IP6K2: variants seen among roughly 807,000 people sequenced by gnomAD.
IP6K2 encodes inositol hexakisphosphate kinase 2, also known as ATP:1D-myo-inositol-hexakisphosphate phosphotransferase.
IP6K2 carries 9 observed loss-of-function variants against 43.3 expected under a neutral mutation model. The observed-to-expected ratio is 0.21, with a 90% confidence interval of 0.13 to 0.36. IP6K2 has a LOEUF of 0.36. Ranked by LOEUF, IP6K2 falls within the 10% of genes least tolerant of loss-of-function variation. IP6K2 has a pLI of 1.00. For missense variants in IP6K2, 332 were observed against 538.4 expected, an observed-to-expected ratio of 0.62 and a Z score of 3.79; for synonymous variants, 209 against 202.4, an observed-to-expected ratio of 1.03 and a Z score of -0.28.
At chr3:48,694,497 C>A (rs1318961548) in intron 2 of IP6K2, 32 of 1,545,150 alleles carry the variant, frequency 2.1e-5, no homozygotes, top group Admixed American at 1.0e-4. Context: ...CAACAAAGAC[C>A]CCACCATGCT....
rs374945808 is a variant in IP6K2 at position 48,695,255 on chromosome 3, G to A, written c.37C>T (p.Arg13Cys). ...GGCTCCAGAAGGACGCCTTTGGCGCGGGGCTCCACATCCATGGCCCTGAAG... is the reference window on the plus strand; with the variant it reads ...GGCTCCAGAAGGACGCCTTTGGCGCAGGGCTCCACATCCATGGCCCTGAAG... ...PAFRAMDVEP[R>C]AKGVLLEPFV... is the part of the protein sequence containing the mutation. The change falls in exon 2 of 6, where the codon CGC (arginine) becomes TGC (cysteine). Residue 13 changes from arginine to cysteine, a missense_variant. Arg to Cys is a radical substitution (Grantham distance 180, BLOSUM62 -3). Transcript: ENST00000328631. The surrounding 1 kb of genome is among the most constrained non-coding windows in gnomAD (Gnocchi z 4.6). 7 of 1,584,996 alleles carry A rather than the reference G, an allele frequency of 4.4e-6. No individual in the cohort carries two copies. The highest frequency in any genetic ancestry group is 2.7e-5 in the African/African-American group (2 of 74,272).
chr3:48,704,834 A>G (rs1575701876), intron 1 of IP6K2, among the ~76,000 whole-genome samples: 3 of 151,722 alleles, frequency 2.0e-5, no homozygotes, highest in Admixed American at 2.0e-4. Flanking sequence ...GCTAGAGTGC[A>G]TGATCTCACC....
At chr3:48,714,358 C>T (rs1030878632) in intron 1 of IP6K2, among the ~76,000 whole-genome samples, 3 of 151,864 alleles carry the variant, frequency 2.0e-5, no homozygotes, top group Admixed American at 1.3e-4. Context: ...TGAGCCACCA[C>T]GCTCGGCCCT....
intron 1 of IP6K2, among the ~76,000 whole-genome samples, chr3:48,704,948 AT>A (rs971625853): frequency 1.2e-4 from 18 of 144,758 alleles, no homozygotes; most frequent in Non-Finnish European, 1.7e-4. Flanking sequence ...AATTTTTCTA[AT>A]TTTTTTTTTT....
rs571623105 is a variant in IP6K2 at position 48,697,311 on chromosome 3, G to A, written c.-130-1890C>T. 5.3e-5 allele frequency among the ~76,000 whole-genome samples: 8 copies of A among 150,890 alleles called. No homozygotes were observed. The South Asian group carries it at 1.3e-3, about 24-fold the overall frequency. On this transcript the variant is annotated intron_variant, in intron 1 of 5. Transcript: ENST00000328631. ...CTGGATTACAGGCGTGAGCCACCGC[G>A]CCCGGCCAGTTGTTTTTTCATTTTG... is the stretch of plus-strand genomic sequence containing the variant.
intron 1 of IP6K2, among the ~76,000 whole-genome samples, chr3:48,715,911 A>T (rs1264334608): frequency 2.0e-5 from 3 of 150,722 alleles, no homozygotes; most frequent in Non-Finnish European, 4.4e-5. Context: ...AATGACAGTT[A>T]ACAGTTTAAC....
chr3:48,695,157 G>A lies in IP6K2; in HGVS notation c.135C>T (p.Val45=), dbSNP rs1257993383. The A allele has an allele frequency of 6.2e-7, 1 of 1,608,292 alleles. No individual in the cohort carries two copies. Among genetic ancestry groups the A allele is most frequent in the African/African-American group, 1.3e-5 (1 of 74,844 alleles). The change falls in exon 2 of 6, where the codon GTC becomes GTT. Residue 45 remains valine, a synonymous_variant. Transcript: ENST00000328631. This position sits in a 1 kb window ranked among gnomAD's most constrained non-coding sequence, Gnocchi z 4.6. ...FNETTLCKPL[V]PREHQFYETL... Reference sequence around the variant, plus strand: ...TCTCGTAGAACTGATGTTCCCTTGGGACCAGGGGCTTGCACAGGGTTGTCT... The same window carrying A: ...TCTCGTAGAACTGATGTTCCCTTGGAACCAGGGGCTTGCACAGGGTTGTCT...
At chr3:48,715,852 C>T (rs1166287136) in intron 1 of IP6K2, among the ~76,000 whole-genome samples, 1 of 149,466 alleles carries the variant, frequency 6.7e-6, no homozygotes, top group Admixed American at 6.7e-5. Context: ...GTAAATCTAT[C>T]GAAATGACAA....
intron 1 of IP6K2, among the ~76,000 whole-genome samples, chr3:48,716,800 C>T (rs372569053): frequency 6.6e-6 from 1 of 152,094 alleles, no homozygotes; most frequent in African/African-American, 2.4e-5. Flanking sequence ...TGGGGAGACC[C>T]CTCAATGACA....
intron 1 of IP6K2, among the ~76,000 whole-genome samples, chr3:48,703,325 T>A (rs776536742): frequency 6.6e-6 from 1 of 152,186 alleles, no homozygotes; most frequent in Non-Finnish European, 1.5e-5. Flanking sequence ...AACAAATATA[T>A]TAACCAGCAT....
intron 2 of IP6K2, chr3:48,694,634 A>C (rs2078113235): frequency 6.6e-7 from 1 of 1,517,498 alleles, no homozygotes; most frequent in Non-Finnish European, 8.8e-7. Context: ...GGCTTGGGCT[A>C]ATCAGCACAG....
chr3:48,691,881 C>T (rs1207319876), intron 3 of IP6K2, among the ~76,000 whole-genome samples: 2 of 151,770 alleles, frequency 1.3e-5, no homozygotes, highest in African/African-American at 2.4e-5. Flanking sequence ...GATGGAGTTT[C>T]GCTCTTATTG....
intron 1 of IP6K2, among the ~76,000 whole-genome samples, chr3:48,705,891 TAATAAAATAA>T (rs1195958811): frequency 9.9e-6 from 1 of 100,992 alleles, no homozygotes; most frequent in Non-Finnish European, 2.0e-5. Flanking sequence ...AAATAAAAAA[TAATAAAATAA>T]AATAAAATAA....
intron 1 of IP6K2, among the ~76,000 whole-genome samples, chr3:48,715,929 CAA>C (rs11391893): frequency 2.1e-5 from 3 of 141,862 alleles, no homozygotes; most frequent in Admixed American, 7.1e-5. Context: ...AACTTTTTCT[CAA>C]AAAAAAAAAA....
At chr3:48,715,468 T>C (rs1316733674) in intron 1 of IP6K2, 3 of 1,535,568 alleles carry the variant, frequency 2.0e-6, no homozygotes, top group Non-Finnish European at 2.6e-6. Context: ...TCCTGGCACA[T>C]TCCACTGCTC....
chr3:48,690,090 ACTG>A (rs2077635086), intron 4 of IP6K2, among the ~76,000 whole-genome samples: 1 of 152,236 alleles, frequency 6.6e-6, no homozygotes, highest in African/African-American at 2.4e-5. Context: ...TTAAATGTGA[ACTG>A]GAAATATCAG....
chr3:48,697,534 T>G, intron 1 of IP6K2, among the ~76,000 whole-genome samples: 1 of 123,232 alleles, frequency 8.1e-6, no homozygotes, highest in South Asian at 2.7e-4. Flanking sequence ...AGAGACAGGG[T>G]TTCACCATGT....
chr3:48,695,170 C>CA lies in IP6K2; in HGVS notation c.121dup (p.Cys41LeufsTer18), dbSNP rs1256005702. The CA allele has an allele frequency of 1.2e-6, 2 of 1,604,308 alleles. No individual in the cohort carries two copies. Among genetic ancestry groups the CA allele is most frequent in the South Asian group, 1.1e-5 (1 of 90,262 alleles). On this transcript the variant is annotated frameshift_variant, in exon 2 of 6. Coordinates refer to ENST00000328631, the MANE Select transcript of IP6K2 (RefSeq NM_016291.4). LOFTEE classifies it high-confidence loss of function. The surrounding 1 kb of genome is among the most constrained non-coding windows in gnomAD (Gnocchi z 4.6). ...ATGTTCCCTTGGGACCAGGGGCTTGCACAGGGTTGTCTCATTGAAGCGGAG... is the reference window on the plus strand; with the variant it reads ...ATGTTCCCTTGGGACCAGGGGCTTGCAACAGGGTTGTCTCATTGAAGCGGAG...
At chr3:48,691,281 C>A in intron 4 of IP6K2, 26 bp downstream of exon 4, 1 of 1,585,034 alleles carries the variant, frequency 6.3e-7, no homozygotes, top group South Asian at 1.1e-5. Flanking sequence ...CCCTCAAATG[C>A]AGAGATGCCC....
Sources: allele counts gnomAD v4.1 joint callset (sites outside exome capture counted in the v4.1 genomes callset), GRCh38; gene constraint gnomAD v4.1.1; non-coding constraint Gnocchi (gnomAD v3.1); transcripts MANE v1.5; gene names NCBI Gene and HGNC (gene_info 2026-07-23, HGNC 2026-07-21).